The following DMD variants were observed in gnomAD, a reference collection of about 807,000 sequenced individuals.
DMD encodes the protein dystrophin.
A neutral mutation model predicts 330.1 loss-of-function variants in DMD; 63 were observed. The observed-to-expected ratio is 0.19, with a 90% confidence interval of 0.16 to 0.24. The LOEUF (loss-of-function observed/expected upper bound fraction) is 0.24, where lower values mean the gene tolerates loss of function less well. DMD is among the 10% of genes least tolerant of loss of function. DMD has a pLI of 1.00. For synonymous variants in DMD, 1,223 were observed against 959.8 expected (o/e 1.27, Z -5.07); for missense variants, 3,344 against 2,684.1 (o/e 1.25, Z -5.43).
At chrX:31,965,602 G>A (rs758110385) in intron 45 of DMD, among the ~76,000 whole-genome samples, 2 of 111,276 alleles carry the variant, frequency 1.8e-5, no homozygotes, top group South Asian at 3.8e-4. Flanking sequence ...AGAGCATGGC[G>A]CCCCTTGCTA....
At chrX:33,050,767 A>T (rs1464434235) in intron 1 of DMD, among the ~76,000 whole-genome samples, 2 of 112,438 alleles carry the variant, frequency 1.8e-5, no homozygotes, top group East Asian at 5.6e-4. Context: ...GAAAGAGGAA[A>T]TATAAGGCTA....
chrX:31,971,000 G>C (rs1446742895), intron 44 of DMD, among the ~76,000 whole-genome samples: 1 of 111,547 alleles, frequency 9.0e-6, no homozygotes, highest in Non-Finnish European at 1.9e-5. Flanking sequence ...GCACACATCA[G>C]ATGTATACCA....
At chrX:31,819,036 A>G (rs1178948681) in intron 50 of DMD, among the ~76,000 whole-genome samples, 1 of 110,929 alleles carries the variant, frequency 9.0e-6, no homozygotes, top group Non-Finnish European at 1.9e-5. Context: ...GACAAGGCAA[A>G]AAAAAAAACA....
In DMD at chrX:31,453,428, T is replaced by C. The variant is rs186409899; in HGVS notation, c.8938-8801A>G. On this transcript the variant is annotated intron_variant, in intron 59 of 78. Coordinates refer to ENST00000357033, the MANE Select transcript of DMD (RefSeq NM_004006.3). ...CCGCCTGCCTTGGCCTCCCAAAGTGTTGAGATTACAGGTGTGAGCCACCAT... is the reference window on the plus strand; with the variant it reads ...CCGCCTGCCTTGGCCTCCCAAAGTGCTGAGATTACAGGTGTGAGCCACCAT... Among the ~76,000 whole-genome samples, 162 of 110,611 alleles carry C rather than the reference T, an allele frequency of 1.5e-3. 9 individuals are homozygous for C. The East Asian group carries it at 0.025, about 17-fold the overall frequency.
At chrX:33,135,286 C>T (rs2095520161) in intron 1 of DMD, among the ~76,000 whole-genome samples, 1 of 111,943 alleles carries the variant, frequency 8.9e-6, no homozygotes, top group African/African-American at 3.2e-5. Context: ...AACATAGTTA[C>T]CACAAAGCAA....
In DMD at chrX:31,703,191, C is replaced by T. The variant is rs541541962; in HGVS notation, c.7661-23605G>A. 7.3e-4 allele frequency among the ~76,000 whole-genome samples: 82 copies of T among 111,709 alleles called. No homozygotes were observed. The South Asian group carries it at 0.011, about 14-fold the overall frequency. ...ATGTCATGCCTCCCACCCCACACTG[C>T]TTTCAGGATAGTATTAAAACTCTTT... On this transcript the variant is annotated intron_variant, in intron 52 of 78. Transcript: ENST00000357033.
intron 7 of DMD, among the ~76,000 whole-genome samples, chrX:32,767,716 A>T (rs1000678756): frequency 8.9e-6 from 1 of 111,999 alleles, no homozygotes; most frequent in African/African-American, 3.2e-5. Context: ...TGTAAGGATT[A>T]TAACTAGTCT....
chrX:32,162,593 T>A, intron 44 of DMD, among the ~76,000 whole-genome samples: 1 of 74,853 alleles, frequency 1.3e-5, no homozygotes, highest in Non-Finnish European at 2.4e-5. Flanking sequence ...CAACAAGCTT[T>A]TTTTTTTTTT....
intron 60 of DMD, among the ~76,000 whole-genome samples, chrX:31,422,043 A>ATTTT (rs369198579): frequency 3.0e-3 from 86 of 28,759 alleles, no homozygotes; most frequent in African/African-American, 5.4e-3. Flanking sequence ...ATATATATAT[A>ATTTT]TTTTTTTTTT....
intron 30 of DMD, among the ~76,000 whole-genome samples, chrX:32,405,727 C>A (rs183290092): frequency 7.2e-5 from 8 of 111,134 alleles, no homozygotes; most frequent in Non-Finnish European, 1.1e-4. Flanking sequence ...ATTGACTTGG[C>A]GATGCAGGCT....
intron 42 of DMD, among the ~76,000 whole-genome samples, chrX:32,300,133 A>G (rs1331582620): frequency 3.6e-5 from 4 of 112,074 alleles, no homozygotes; most frequent in Non-Finnish European, 5.7e-5. Context: ...GCATTAATAA[A>G]TATCTGTTGA....
chrX:31,772,464 G>T (rs931653441), intron 51 of DMD, among the ~76,000 whole-genome samples: 1 of 111,969 alleles, frequency 8.9e-6, no homozygotes. Context: ...TATTGTAAAA[G>T]AACGTACCTC....
At chrX:33,181,564 G>C (rs868522330) in intron 1 of DMD, among the ~76,000 whole-genome samples, 2 of 111,586 alleles carry the variant, frequency 1.8e-5, no homozygotes, top group Middle Eastern at 4.6e-3. Flanking sequence ...TTCTAACTCA[G>C]AATTCTTCAT....
intron 41 of DMD, among the ~76,000 whole-genome samples, chrX:32,330,137 TA>T (rs988542164): frequency 5.4e-5 from 6 of 112,020 alleles, no homozygotes; most frequent in Admixed American, 1.9e-4. Context: ...AAATAAAGGG[TA>T]AAAATGATAG....
At chrX:32,635,473 A>G (rs769123162) in intron 11 of DMD, among the ~76,000 whole-genome samples, 14 of 111,954 alleles carry the variant, frequency 1.3e-4, no homozygotes, top group Non-Finnish European at 2.3e-4. Flanking sequence ...CCTCAAATAT[A>G]TGGTGACCAT....
intron 38 of DMD, 40 bp from the exon 39 acceptor site, chrX:32,346,120 T>C: frequency 1.7e-6 from 2 of 1,178,743 alleles, no homozygotes; most frequent in South Asian, 1.8e-5. Flanking sequence ...TTTTGGTTTT[T>C]AAAAAGCTGT....
chrX:32,949,387 T>C (rs184960524), intron 2 of DMD, among the ~76,000 whole-genome samples: 2,624 of 86,627 alleles, frequency 0.03, 121 homozygotes, highest in African/African-American at 0.15. Context: ...GATAGATAGA[T>C]AGATAGACAG....
chrX:33,173,697 A>G (rs1259643516), intron 1 of DMD, among the ~76,000 whole-genome samples: 1 of 111,296 alleles, frequency 9.0e-6, no homozygotes, highest in Non-Finnish European at 1.9e-5. Context: ...GAACTTGGCA[A>G]TCCAAGCAAG....
chrX:31,764,862 T>C (rs905517130), intron 51 of DMD, among the ~76,000 whole-genome samples: 1 of 111,981 alleles, frequency 8.9e-6, no homozygotes, highest in Non-Finnish European at 1.9e-5. Flanking sequence ...TTAAATATTA[T>C]GTCACTTGTT....
Sources: allele counts gnomAD v4.1 joint callset (sites outside exome capture counted in the v4.1 genomes callset), GRCh38; gene constraint gnomAD v4.1.1; transcripts MANE v1.5; gene names NCBI Gene and HGNC (gene_info 2026-07-23, HGNC 2026-07-21).